The following KIF26B variants were observed in gnomAD, a reference collection of about 807,000 sequenced individuals.
KIF26B encodes kinesin-like protein KIF26B.
In KIF26B, 63 loss-of-function variants were observed where a neutral mutation model predicts 151.2. The ratio of observed to expected loss-of-function variants is 0.42; its 90% CI spans 0.34 to 0.51. The LOEUF (loss-of-function observed/expected upper bound fraction) is 0.51, where lower values mean the gene tolerates loss of function less well. KIF26B is among the 20% of genes least tolerant of loss of function. The pLI is 0.07. For missense variants in KIF26B, 2,813 were observed against 2,913.6 expected (o/e 0.97, Z 0.79); for synonymous variants, 1,357 against 1,262.1 (o/e 1.08, Z -1.59).
At chr1:245,492,787 T>TTTTTAA (rs1436513453) in intron 4 of KIF26B, among the ~76,000 whole-genome samples, 6 of 152,176 alleles carry the variant, frequency 3.9e-5, no homozygotes, top group Non-Finnish European at 8.8e-5. Flanking sequence ...TTTATTTTTA[T>TTTTTAA]TTTTATTTTT....
intron 9 of KIF26B, among the ~76,000 whole-genome samples, chr1:245,620,563 C>A (rs1383399660): frequency 6.6e-6 from 1 of 152,066 alleles, no homozygotes; most frequent in Non-Finnish European, 1.5e-5. Flanking sequence ...CCATGCCTGG[C>A]TAATAGTTTA....
intron 2 of KIF26B, among the ~76,000 whole-genome samples, chr1:245,347,097 G>A (rs192243323): frequency 1.3e-4 from 20 of 152,268 alleles, no homozygotes; most frequent in African/African-American, 3.9e-4. Context: ...GAACACAGCC[G>A]TGGTGACTGT....
rs772758485 is a variant in KIF26B, at chr1:245,702,587, T to C, written c.6308T>C (p.Ile2103Thr). Residue 2103 changes from isoleucine to threonine, a missense_variant, in exon 15 of 15, where the codon ATC (isoleucine) becomes ACC (threonine). Ile to Thr is a moderately conservative substitution (Grantham distance 89). Coordinates refer to ENST00000407071, the MANE Select transcript of KIF26B (RefSeq NM_018012.4). This position sits in a 1 kb window ranked among gnomAD's most constrained non-coding sequence, Gnocchi z 4.1. ...AHLMMITCFD[I>T]TSRRR Reference sequence around the variant, plus strand: ...CTCATGATGATCACCTGCTTCGACATCACCTCCAGGCGCCGGTAGATGAGC... The same window carrying C: ...CTCATGATGATCACCTGCTTCGACACCACCTCCAGGCGCCGGTAGATGAGC... The C allele has an allele frequency of 1.9e-6, 3 of 1,613,922 alleles. No individual in the cohort carries two copies. The highest frequency in any genetic ancestry group is 1.7e-6 in the Non-Finnish European group (2 of 1,179,856).
Position 245,367,939 on chromosome 1 carries a change from AGAGTGAGAT to A in KIF26B, c.999+583_999+591del, listed in dbSNP as rs1673003576. ...TAACAGAGATTTTAGATATTAAGTG[AGAGTGAGAT>A]GAGTGAGATGCTTTTGAACCAAAGG... is the stretch of plus-strand genomic sequence containing the variant. On this transcript the variant is annotated intron_variant, in intron 3 of 14. Coordinates refer to ENST00000407071, the MANE Select transcript of KIF26B (RefSeq NM_018012.4). This position sits in a 1 kb window ranked among gnomAD's most constrained non-coding sequence, Gnocchi z 4.2. Among the ~76,000 whole-genome samples, 5 of 152,306 alleles carry A rather than the reference AGAGTGAGAT, an allele frequency of 3.3e-5. 1 individual carries two copies. The highest frequency in any genetic ancestry group is 1.2e-4 in the African/African-American group (5 of 41,572).
Position 245,304,990 on chromosome 1 carries a change from A to G in KIF26B, c.466-61844A>G, listed in dbSNP as rs1671509713. Reference sequence around the variant, plus strand: ...GATATGAATGTGCTGTGTAGTGTCCAGCACCAGAAGTGTGGGTATAGTGGA... The same window carrying G: ...GATATGAATGTGCTGTGTAGTGTCCGGCACCAGAAGTGTGGGTATAGTGGA... On this transcript the variant is annotated intron_variant, in intron 2 of 14. Coordinates refer to ENST00000407071, the MANE Select transcript of KIF26B (RefSeq NM_018012.4). Among the ~76,000 whole-genome samples the G allele has an allele frequency of 2.6e-5, 4 of 152,216 alleles. No individual in the cohort carries two copies. In the South Asian group the frequency reaches 8.3e-4, roughly 31 times the overall value.
At position 245,367,744 on chromosome 1, in the gene KIF26B, C is replaced by T. The variant is rs966306317; in HGVS notation, c.999+377C>T. On this transcript the variant is annotated intron_variant, in intron 3 of 14. Transcript: ENST00000407071. The surrounding 1 kb of genome is among the most constrained non-coding windows in gnomAD (Gnocchi z 4.2). ...GATACTTGGACTGGGGTCCAAGCCCCGACTTGTCCACTTATTAGCAGCGTG... is the reference window on the plus strand; with the variant it reads ...GATACTTGGACTGGGGTCCAAGCCCTGACTTGTCCACTTATTAGCAGCGTG... Among the ~76,000 whole-genome samples, 4 of 152,190 alleles carry T rather than the reference C, an allele frequency of 2.6e-5. No homozygotes were observed. The highest frequency in any genetic ancestry group is 9.6e-5 in the African/African-American group (4 of 41,456).
chr1:245,573,032 T>C (rs1225291867), intron 5 of KIF26B, among the ~76,000 whole-genome samples: 6 of 152,176 alleles, frequency 3.9e-5, no homozygotes, highest in Admixed American at 1.3e-4. Flanking sequence ...AAACCTTTCT[T>C]GTCCAACTAA....
At chr1:245,174,529 C>T (rs1352407613) in intron 2 of KIF26B, among the ~76,000 whole-genome samples, 1 of 151,758 alleles carries the variant, frequency 6.6e-6, no homozygotes, top group Non-Finnish European at 1.5e-5. Flanking sequence ...TTTACTGAGA[C>T]AGAACCTTGC....
At chr1:245,603,635 A>C (rs953429127) in intron 6 of KIF26B, among the ~76,000 whole-genome samples, 1 of 152,036 alleles carries the variant, frequency 6.6e-6, no homozygotes, top group African/African-American at 2.4e-5. Context: ...TCTCTTCCAC[A>C]TTGTCGGTCG....
At chr1:245,654,697 G>A (rs1286571121) in intron 10 of KIF26B, among the ~76,000 whole-genome samples, 1 of 152,170 alleles carries the variant, frequency 6.6e-6, no homozygotes, top group African/African-American at 2.4e-5. Flanking sequence ...TAAGAAGGGT[G>A]ACCGTTTCCC....
At chr1:245,213,556 G>A (rs1281107843) in intron 2 of KIF26B, among the ~76,000 whole-genome samples, 1 of 152,196 alleles carries the variant, frequency 6.6e-6, no homozygotes, top group African/African-American at 2.4e-5. Context: ...GGAGGACAGA[G>A]AAGAAAAGAA....
intron 4 of KIF26B, among the ~76,000 whole-genome samples, chr1:245,434,232 C>A (rs1256223461): frequency 6.6e-6 from 1 of 152,142 alleles, no homozygotes; most frequent in Non-Finnish European, 1.5e-5. Context: ...GTCTGAAGTT[C>A]TTAGGCATAC....
At chr1:245,681,240 C>T (rs111781369) in intron 10 of KIF26B, among the ~76,000 whole-genome samples, 124 of 135,540 alleles carry the variant, frequency 9.1e-4, no homozygotes, top group Middle Eastern at 4.7e-3. Flanking sequence ...GACAGAGTCT[C>T]GCTCTGTCGC....
At chr1:245,298,930 A>G (rs541441261) in intron 2 of KIF26B, among the ~76,000 whole-genome samples, 1 of 152,234 alleles carries the variant, frequency 6.6e-6, no homozygotes, top group East Asian at 1.9e-4. Flanking sequence ...TTCACAGTTG[A>G]TTGGGTAAGG....
chr1:245,369,536 A>T (rs1054133835), intron 3 of KIF26B, among the ~76,000 whole-genome samples: 1 of 152,216 alleles, frequency 6.6e-6, no homozygotes, highest in East Asian at 1.9e-4. Context: ...AAAATCTAAC[A>T]TATGGATTAT....
intron 10 of KIF26B, 107 bp from the exon 11 acceptor site, chr1:245,684,126 G>T: frequency 8.3e-7 from 1 of 1,207,562 alleles, no homozygotes; most frequent in Non-Finnish European, 1.2e-6. Context: ...AAAGGGTGGG[G>T]GGACCACCAC....
chr1:245,622,480 C>G (rs911683961), intron 9 of KIF26B, among the ~76,000 whole-genome samples: 2 of 152,220 alleles, frequency 1.3e-5, no homozygotes, highest in Admixed American at 6.5e-5. Context: ...CCTTCGGGCT[C>G]TTCTGCAGAC....
intron 5 of KIF26B, among the ~76,000 whole-genome samples, chr1:245,592,724 T>C (rs2043301667): frequency 6.9e-6 from 1 of 143,904 alleles, no homozygotes; most frequent in South Asian, 2.3e-4. Flanking sequence ...TAAAGCCCCC[T>C]GATCTTTGAA....
chr1:245,188,328 CAG>C (rs1313623125), intron 2 of KIF26B, among the ~76,000 whole-genome samples: 3 of 138,196 alleles, frequency 2.2e-5, no homozygotes, highest in South Asian at 2.4e-4. Flanking sequence ...CACAGTAGAA[CAG>C]GGGTGTGGTC....
Sources: allele counts gnomAD v4.1 joint callset (sites outside exome capture counted in the v4.1 genomes callset), GRCh38; gene constraint gnomAD v4.1.1; non-coding constraint Gnocchi (gnomAD v3.1); transcripts MANE v1.5; gene names NCBI Gene and HGNC (gene_info 2026-07-23, HGNC 2026-07-21).